The following EYS variants were observed in gnomAD, a reference collection of about 807,000 sequenced individuals.
The protein encoded by EYS is protein eyes shut homolog.
A neutral mutation model predicts 282.1 loss-of-function variants in EYS; 250 were observed. The ratio of observed to expected loss-of-function variants is 0.89; its 90% CI spans 0.80 to 0.98. The LOEUF is 0.98. Among genes scored for constraint, EYS ranks in the 50% least tolerant of loss-of-function variants. The pLI is 0.00. For missense variants in EYS, 4,016 were observed against 3,709.0 expected, an observed-to-expected ratio of 1.08 and a Z score of -2.15; for synonymous variants, 1,355 against 1,282.9, an observed-to-expected ratio of 1.06 and a Z score of -1.20.
intron 12 of EYS, among the ~76,000 whole-genome samples, chr6:65,130,550 A>G (rs1409941695): frequency 6.6e-6 from 1 of 151,962 alleles, no homozygotes; most frequent in Non-Finnish European, 1.5e-5. Flanking sequence ...TAACACAGGA[A>G]CAGAAAACCA....
chr6:65,170,226 A>ACG (rs1010871743), intron 12 of EYS, among the ~76,000 whole-genome samples: 5 of 150,908 alleles, frequency 3.3e-5, no homozygotes, highest in African/African-American at 1.2e-4. Context: ...GCGCGCGTGC[A>ACG]CGCACACACA....
At chr6:64,756,357 G>C (rs1772936101) in intron 22 of EYS, among the ~76,000 whole-genome samples, 1 of 152,148 alleles carries the variant, frequency 6.6e-6, no homozygotes, top group South Asian at 2.1e-4. Flanking sequence ...TTTTCAGTCT[G>C]AGACTTTTAT....
intron 26 of EYS, among the ~76,000 whole-genome samples, chr6:64,505,480 A>G (rs1400448183): frequency 2.0e-5 from 3 of 152,218 alleles, no homozygotes; most frequent in East Asian, 1.9e-4. Flanking sequence ...AGATGCTCAC[A>G]GCCACCGGCT....
At chr6:65,158,565 T>C (rs1001202369) in intron 12 of EYS, among the ~76,000 whole-genome samples, 1 of 150,878 alleles carries the variant, frequency 6.6e-6, no homozygotes, top group African/African-American at 2.4e-5. Flanking sequence ...AAGTCAACAT[T>C]TGTAGATAAT....
In EYS at chr6:64,874,926, C is replaced by T. The variant is rs145072078; in HGVS notation, c.2992+11771G>A. 1.0e-3 allele frequency among the ~76,000 whole-genome samples: 154 copies of T among 152,044 alleles called. 1 individual carries two copies. Among genetic ancestry groups the T allele is most frequent in the African/African-American group, 3.3e-3 (138 of 41,486 alleles). ...GATATAAGGAACTGCCATGATGAGG[C>T]GAGCTGAGATCACTCAGTACAGCTC... On this transcript the variant is annotated intron_variant, in intron 19 of 42. Coordinates refer to ENST00000503581, the MANE Select transcript of EYS (RefSeq NM_001142800.2).
At chr6:65,166,995 A>G (rs750553917) in intron 12 of EYS, among the ~76,000 whole-genome samples, 13 of 151,090 alleles carry the variant, frequency 8.6e-5, no homozygotes, top group Non-Finnish European at 1.8e-4. Context: ...ATAACGAAAT[A>G]CCCCTTCACA....
intron 28 of EYS, among the ~76,000 whole-genome samples, chr6:64,433,387 A>C (rs1188927657): frequency 6.6e-6 from 1 of 152,078 alleles, no homozygotes; most frequent in Non-Finnish European, 1.5e-5. Context: ...TTCAACTCAT[A>C]ATTCGTGTTT....
chr6:65,506,818 A>G, intron 2 of EYS, among the ~76,000 whole-genome samples: 1 of 152,088 alleles, frequency 6.6e-6, no homozygotes, highest in South Asian at 2.1e-4. Context: ...AAATAACAGT[A>G]TTCTGCTTCA....
intron 33 of EYS, among the ~76,000 whole-genome samples, chr6:64,025,609 A>T (rs1001218363): frequency 6.6e-6 from 1 of 152,206 alleles, no homozygotes; most frequent in African/African-American, 2.4e-5. Context: ...GGGCTCACCA[A>T]TCAGAAAGAC....
At chr6:64,193,401 C>T (rs1009488351) in intron 31 of EYS, among the ~76,000 whole-genome samples, 1 of 151,960 alleles carries the variant, frequency 6.6e-6, no homozygotes, top group African/African-American at 2.4e-5. Context: ...AGCTCTGCCT[C>T]CTGGGTTCAT....
At chr6:65,484,567 A>G (rs990060880) in intron 5 of EYS, among the ~76,000 whole-genome samples, 7 of 152,244 alleles carry the variant, frequency 4.6e-5, no homozygotes, top group African/African-American at 1.4e-4. Flanking sequence ...CCAAGCAGAC[A>G]AAAGTAGGTA....
At chr6:65,530,825 G>A (rs138363471) in intron 2 of EYS, among the ~76,000 whole-genome samples, 3 of 151,820 alleles carry the variant, frequency 2.0e-5, no homozygotes, top group Admixed American at 1.3e-4. Flanking sequence ...AGGGCCATTC[G>A]GTCTGCATAC....
intron 2 of EYS, among the ~76,000 whole-genome samples, chr6:65,516,533 G>C (rs1181181902): frequency 6.6e-6 from 1 of 152,038 alleles, no homozygotes; most frequent in Non-Finnish European, 1.5e-5. Flanking sequence ...AGAAAATATA[G>C]GGAAATAGAC....
In EYS at chr6:65,027,533, A is replaced by C. The variant is rs771624562; in HGVS notation, c.2138-29830T>G. 4.5e-4 allele frequency among the ~76,000 whole-genome samples: 69 copies of C among 152,196 alleles called. 1 individual carries two copies. Among genetic ancestry groups the C allele is most frequent in the Non-Finnish European group, 8.8e-4 (60 of 68,030 alleles). Reference sequence around the variant, plus strand: ...TGGATTAAACAATTACAGCATTCTAAACATTCTCTTCAATGCCTCATTAAA... The same window carrying C: ...TGGATTAAACAATTACAGCATTCTACACATTCTCTTCAATGCCTCATTAAA... On this transcript the variant is annotated intron_variant, in intron 13 of 42. Transcript: ENST00000503581.
intron 35 of EYS, among the ~76,000 whole-genome samples, chr6:63,982,573 G>C (rs1370846553): frequency 1.3e-5 from 2 of 151,796 alleles, no homozygotes; most frequent in African/African-American, 2.4e-5. Flanking sequence ...ACTGCTGTTT[G>C]CTTCCTCAAA....
intron 12 of EYS, among the ~76,000 whole-genome samples, chr6:65,086,178 T>C (rs1184946856): frequency 6.6e-6 from 1 of 152,032 alleles, no homozygotes; most frequent in Non-Finnish European, 1.5e-5. Context: ...TAGCTGGGCA[T>C]AGTGGCACAT....
chr6:65,083,516 T>C (rs1774282485), intron 12 of EYS, among the ~76,000 whole-genome samples: 1 of 151,980 alleles, frequency 6.6e-6, no homozygotes, highest in Non-Finnish European at 1.5e-5. Flanking sequence ...CCTAGATAAA[T>C]TGATTTATAT....
rs865844259 is a variant in EYS, at chr6:65,599,443, C to A, written c.-333+40335G>T. Among the ~76,000 whole-genome samples the A allele has an allele frequency of 6.6e-5, 10 of 152,058 alleles. 1 individual carries two copies. In the Middle Eastern group the frequency reaches 9.5e-3, roughly 144 times the overall value. ...TATGTTCTTCATCTTGCTATCCCAA[C>A]CGTCAGGTCCAAGACTTTGTATTAT... On this transcript the variant is annotated intron_variant, in intron 2 of 42. Transcript: ENST00000503581.
At chr6:63,861,153 C>A (rs1772521284) in intron 36 of EYS, among the ~76,000 whole-genome samples, 1 of 152,048 alleles carries the variant, frequency 6.6e-6, no homozygotes, top group African/African-American at 2.4e-5. Flanking sequence ...TCTTGTTTAC[C>A]TCCCAATATA....
Sources: allele counts gnomAD v4.1 joint callset (sites outside exome capture counted in the v4.1 genomes callset), GRCh38; gene constraint gnomAD v4.1.1; transcripts MANE v1.5; gene names NCBI Gene and HGNC (gene_info 2026-07-23, HGNC 2026-07-21).